Variants in FDFT1 observed in about 807,000 individuals in gnomAD.
FDFT1 encodes squalene synthase.
A neutral mutation model predicts 46.8 loss-of-function variants in FDFT1; 68 were observed. That is an observed-to-expected ratio of 1.45 (90% confidence interval 1.19 to 1.78). The LOEUF (loss-of-function observed/expected upper bound fraction) is 1.78. FDFT1 is among the 40% of genes most tolerant of loss of function. The probability of loss-of-function intolerance (pLI) is 0.00; values close to 1 mark genes in which losing one functional copy is unlikely to be tolerated. For synonymous variants in FDFT1, 351 were observed against 185.1 expected, an observed-to-expected ratio of 1.90 and a Z score of -7.28; for missense variants, 928 against 524.4, an observed-to-expected ratio of 1.77 and a Z score of -7.52.
At chr8:11,825,190 C>T (rs918886766) in intron 4 of FDFT1, among the ~76,000 whole-genome samples, 2 of 152,090 alleles carry the variant, frequency 1.3e-5, no homozygotes, top group African/African-American at 2.4e-5. Context: ...TTCCTGTTAC[C>T]AGAATATTCC....
chr8:11,825,791 A>G (rs2130839822), intron 4 of FDFT1, among the ~76,000 whole-genome samples: 1 of 152,364 alleles, frequency 6.6e-6, no homozygotes, highest in Admixed American at 6.5e-5. Context: ...TGGAAAATAC[A>G]AGTGAAAAAT....
intron 4 of FDFT1, among the ~76,000 whole-genome samples, chr8:11,823,033 C>A (rs1007232123): frequency 5.3e-5 from 8 of 152,160 alleles, no homozygotes; most frequent in South Asian, 2.1e-4. Context: ...CGGCTCCCCG[C>A]AGCCTCAACC....
intron 7 of FDFT1, among the ~76,000 whole-genome samples, chr8:11,832,709 C>G (rs972651556): frequency 6.6e-6 from 1 of 152,008 alleles, no homozygotes; most frequent in African/African-American, 2.4e-5. Context: ...TTTGATTGTC[C>G]TAACCGGCAG....
intron 3 of FDFT1, chr8:11,810,052 GT>G: frequency 1.9e-6 from 1 of 530,810 alleles, no homozygotes; most frequent in Non-Finnish European, 3.3e-6. Flanking sequence ...TTACTAAACT[GT>G]TGGTTACTTA....
chr8:11,802,173 G>T (rs756317516), upstream of FDFT1: 1 of 446,212 alleles, frequency 2.2e-6, no homozygotes, highest in African/African-American at 2.0e-5. Context: ...GATGGCGGTG[G>T]CGGGCAGGCG....
chr8:11,838,625 T>A lies in FDFT1; in HGVS notation c.*16T>A. The A allele has an allele frequency of 1.3e-6, 2 of 1,567,568 alleles. No homozygotes were observed. Among genetic ancestry groups the A allele is most frequent in the Non-Finnish European group, 1.8e-6 (2 of 1,137,588 alleles). On this transcript the variant is annotated 3_prime_UTR_variant, in exon 8 of 8. Coordinates refer to ENST00000220584, the MANE Select transcript of FDFT1 (RefSeq NM_004462.5). ...AGAACACTGATCCCAAATTTGTCCA[T>A]AGCTGAAGTCCACCATAAAGTGGAT...
At chr8:11,831,816 G>A (rs1810844735) in intron 7 of FDFT1, 146 bp downstream of exon 7, 3 of 715,366 alleles carry the variant, frequency 4.2e-6, no homozygotes, top group African/African-American at 3.6e-5. Context: ...TCCTTTATAA[G>A]GAAAAAAGTC....
intron 3 of FDFT1, among the ~76,000 whole-genome samples, chr8:11,812,725 T>G (rs1025015318): frequency 3.9e-5 from 6 of 152,222 alleles, no homozygotes; most frequent in African/African-American, 1.2e-4. Context: ...TTGCAGAATT[T>G]AGGAATAAGC....
intron 3 of FDFT1, among the ~76,000 whole-genome samples, chr8:11,811,850 C>T (rs949559072): frequency 6.6e-6 from 1 of 152,196 alleles, no homozygotes; most frequent in Non-Finnish European, 1.5e-5. Context: ...TTTTAAGCTA[C>T]TTGAGTTGTA....
intron 3 of FDFT1, among the ~76,000 whole-genome samples, chr8:11,812,684 T>G (rs2130750887): frequency 6.6e-6 from 1 of 152,356 alleles, no homozygotes; most frequent in East Asian, 1.9e-4. Context: ...ATATAGTATG[T>G]GGGCCTCCAT....
chr8:11,837,442 G>A (rs1052524835), intron 7 of FDFT1, among the ~76,000 whole-genome samples: 2 of 152,144 alleles, frequency 1.3e-5, no homozygotes, highest in African/African-American at 4.8e-5. Flanking sequence ...GTGTTGTCCA[G>A]GCTGGTCTTA....
chr8:11,821,257 T>C (rs1382656247), intron 3 of FDFT1, among the ~76,000 whole-genome samples: 1 of 152,258 alleles, frequency 6.6e-6, no homozygotes, highest in Non-Finnish European at 1.5e-5. Flanking sequence ...ATTAGCATTT[T>C]TAGACCATTC....
At chr8:11,830,076 G>GACCTCGTGATCCACCCTCCTC in intron 5 of FDFT1, among the ~76,000 whole-genome samples, 168 bp from the exon 6 acceptor site, 1 of 152,280 alleles carries the variant, frequency 6.6e-6, no homozygotes, top group African/African-American at 2.4e-5. Context: ...TTGAACTCCT[G>GACCTCGTGATCCACCCTCCTC]ACCTCGTGAT....
At chr8:11,837,530 C>T (rs563017591) in intron 7 of FDFT1, among the ~76,000 whole-genome samples, 2 of 152,184 alleles carry the variant, frequency 1.3e-5, no homozygotes, top group Non-Finnish European at 2.9e-5. Flanking sequence ...CTGTGCCTGG[C>T]CCGGCAACTG....
chr8:11,817,789 A>C (rs962449632), intron 3 of FDFT1, among the ~76,000 whole-genome samples: 3 of 148,910 alleles, frequency 2.0e-5, no homozygotes, highest in African/African-American at 4.9e-5. Context: ...AATTTTGTTG[A>C]TCTTTTCAAA....
chr8:11,832,668 C>A (rs189519752), intron 7 of FDFT1, among the ~76,000 whole-genome samples: 1 of 151,664 alleles, frequency 6.6e-6, no homozygotes, highest in East Asian at 1.9e-4. Flanking sequence ...CCCCTCCCCC[C>A]AGAGGACATT....
At chr8:11,815,844 T>G (rs1808367869) in intron 3 of FDFT1, among the ~76,000 whole-genome samples, 1 of 152,244 alleles carries the variant, frequency 6.6e-6, no homozygotes, top group East Asian at 1.9e-4. Flanking sequence ...GATAGTTTCT[T>G]TTGCTGTGCA....
chr8:11,806,274 A>G (rs965484350), intron 1 of FDFT1, among the ~76,000 whole-genome samples: 10 of 152,166 alleles, frequency 6.6e-5, no homozygotes, highest in Middle Eastern at 3.2e-3. Flanking sequence ...TAAACCCAAG[A>G]GGGACAGGCA....
At chr8:11,828,929 C>G (rs1810391095) in intron 5 of FDFT1, among the ~76,000 whole-genome samples, 1 of 151,944 alleles carries the variant, frequency 6.6e-6, no homozygotes, top group East Asian at 1.9e-4. Context: ...TGGGTTCTTC[C>G]CATTTTTTTT....
Sources: gnomAD v4.1 joint callset for allele counts (sites outside exome capture counted in the v4.1 genomes callset) on GRCh38, gnomAD v4.1.1 for gene constraint, MANE v1.5 for transcripts, NCBI Gene and HGNC (gene_info 2026-07-23, HGNC 2026-07-21) for gene names.